ZSCAN10: variants seen among roughly 807,000 people sequenced by gnomAD.
ZSCAN10 encodes zinc finger and SCAN domain containing 10.
A neutral mutation model predicts 63.7 loss-of-function variants in ZSCAN10; 52 were observed. The observed-to-expected ratio is 0.82, with a 90% CI of 0.65 to 1.03. The LOEUF is 1.03. Among genes scored for constraint, ZSCAN10 ranks in the 50% least tolerant of loss-of-function variants. The pLI is 0.00. For missense variants in ZSCAN10, 1,223 were observed against 1,103.8 expected, an observed-to-expected ratio of 1.11 and a Z score of -1.53; for synonymous variants, 544 against 479.6, an observed-to-expected ratio of 1.13 and a Z score of -1.76.
intron 3 of ZSCAN10, 38 bp downstream of exon 3, chr16:3,092,011 C>T (rs749555825): frequency 1.9e-6 from 3 of 1,549,668 alleles, no homozygotes; most frequent in South Asian, 2.5e-5. Context: ...CCCTCCGCGA[C>T]ACCCAGTCCT....
rs962728439 is a variant in ZSCAN10, at chr16:3,091,619, T to C, written c.730-22A>G. On this transcript the variant is annotated intron_variant, in intron 4 of 5. Transcript: ENST00000576985. ...ACTCCTGTATCAAGAGCAGAAACCC[T>C]TGGTGAGTGAGGAACATGCCTCAGG... 2.5e-6 allele frequency: 4 copies of C among 1,613,998 alleles called. No individual in the cohort carries two copies. The African/African-American group carries it at 4.0e-5, about 16-fold the overall frequency.
intron 5 of ZSCAN10, among the ~76,000 whole-genome samples, chr16:3,091,172 C>A (rs896194831): frequency 6.7e-6 from 1 of 149,054 alleles, no homozygotes; most frequent in Non-Finnish European, 1.5e-5. Context: ...GTTAGCTGGG[C>A]GTGGTGGCAC....
At chr16:3,092,004 T>C in intron 3 of ZSCAN10, 45 bp downstream of exon 3, 1 of 1,551,610 alleles carries the variant, frequency 6.4e-7, no homozygotes, top group Non-Finnish European at 8.7e-7. Flanking sequence ...TCCAGGCCCC[T>C]CCGCGACACC....
In ZSCAN10 at chr16:3,091,542, A is replaced by C. The variant is rs755683999; in HGVS notation, c.785T>G (p.Leu262Arg). The C allele has an allele frequency of 3.7e-6, 6 of 1,614,174 alleles. No homozygotes were observed. In the Admixed American group the frequency reaches 1.0e-4, roughly 27 times the overall value. The part of the protein sequence containing the change: ...PENKAWPAHP[L>R]GFGSRTPDKE... The stretch of plus-strand genomic sequence containing the variant: ...TTCTCCAGGGAAGGGTTGCTTACCC[A>C]GGGGGTGTGCAGGCCACGCCTTATT... The change falls in exon 5 of 6, where the codon CTG becomes CGG. Residue 262 changes from leucine to arginine, a missense_variant and splice_region_variant. Physicochemically the swap from Leu to Arg is moderately radical, Grantham distance 102. Transcript: ENST00000576985.
chr16:3,092,708 A>C lies in ZSCAN10; in HGVS notation c.230T>G (p.Leu77Arg). The change falls in exon 2 of 6, where the codon CTG becomes CGG. Residue 77 changes from leucine to arginine, a missense_variant. Transcript: ENST00000576985. ...CTCCAGGATCTGTTTCTTGGTGTGC[A>C]GAGCCGGCCGCAGCCAGTGGCCGCA... ...ELCGHWLRPA[L>R]HTKKQILELL... The C allele has an allele frequency of 6.2e-7, 1 of 1,613,320 alleles. No individual in the cohort carries two copies. Among genetic ancestry groups the C allele is most frequent in the South Asian group, 1.1e-5 (1 of 91,084 alleles).
At position 3,095,756 on chromosome 16, in the gene ZSCAN10, A is replaced by G. The variant is rs1957145416; in HGVS notation, c.-67-2752T>C. Reference sequence around the variant, plus strand: ...GGCAGGAGAATGGCGTGAAACAGGGAGGTAGAGCTTGCAATGAGCCAAGAT... The same window carrying G: ...GGCAGGAGAATGGCGTGAAACAGGGGGGTAGAGCTTGCAATGAGCCAAGAT... On this transcript the variant is annotated intron_variant, in intron 1 of 5. Transcript: ENST00000576985. Among the ~76,000 whole-genome samples the G allele has an allele frequency of 2.0e-5, 3 of 148,186 alleles. No homozygotes were observed. The South Asian group carries it at 6.4e-4, about 32-fold the overall frequency.
intron 1 of ZSCAN10, chr16:3,096,399 C>A (rs184751197): frequency 6.6e-6 from 1 of 152,426 alleles, no homozygotes; most frequent in Non-Finnish European, 1.5e-5. Context: ...CCAGTTGGCA[C>A]CCCAGGTAGG....
chr16:3,090,742 G>C (rs1743703251), intron 5 of ZSCAN10, 96 bp from the exon 6 acceptor site: 34 of 1,393,392 alleles, frequency 2.4e-5, no homozygotes, highest in Non-Finnish European at 3.2e-5. Context: ...AAGAAACCCA[G>C]GATCCTGCAA....
Position 3,092,198 on chromosome 16 carries a change from G to A in ZSCAN10, c.515C>T (p.Pro172Leu), listed in dbSNP as rs1441649217. 5.6e-6 allele frequency: 9 copies of A among 1,612,666 alleles called. No individual in the cohort carries two copies. The highest frequency in any genetic ancestry group is 1.6e-4 in the Middle Eastern group (1 of 6,062). Residue 172 changes from proline (P) to leucine (L), a missense_variant, in exon 3 of 6, where the codon CCT becomes CTT. Transcript: ENST00000576985. ...SPKKELPAEE[P>L]SVLGPSDEPP... ...CTCATCCGATGGGCCCAGCACTGAA[G>A]GCTCTTCCGCAGGCAATTCCTTCTT...
At chr16:3,090,789 C>A (rs1957063563) in intron 5 of ZSCAN10, 143 bp from the exon 6 acceptor site, 1 of 1,027,296 alleles carries the variant, frequency 9.7e-7, no homozygotes, top group East Asian at 2.9e-5. Context: ...GTGGTTCACG[C>A]CTGTAATTTC....
chr16:3,089,678 G>C lies in ZSCAN10; in HGVS notation c.1756C>G (p.Arg586Gly), dbSNP rs755377345. ...KPYACPQCGK[R>G]FVRRASLARH... ...GCAAGGCTGGCCCGGCGCACAAAGC[G>C]CTTCCCGCACTGCGGACAGGCGTAG... Residue 586 changes from arginine to glycine, a missense_variant, in exon 6 of 6, where the codon CGC (arginine) becomes GGC (glycine). Arg to Gly is a moderately radical substitution (Grantham distance 125). Transcript: ENST00000576985. 2.4e-5 allele frequency: 39 copies of C among 1,599,050 alleles called. No homozygotes were observed. Among genetic ancestry groups the C allele is most frequent in the Non-Finnish European group, 3.2e-5 (37 of 1,174,164 alleles).
rs752888674 is a variant in ZSCAN10 at position 3,090,279 on chromosome 16, G to A, written c.1155C>T (p.Phe385=). 1.9e-6 allele frequency: 3 copies of A among 1,608,980 alleles called. No individual in the cohort carries two copies. Among genetic ancestry groups the A allele is most frequent in the South Asian group, 2.2e-5 (2 of 90,948 alleles). The stretch of plus-strand genomic sequence containing the variant: ...GCAGCTTGAGAATGGAGCTGCGGCC[G>A]AAGCTCTTCCCGCAGCAAAGGCACA... The part of the protein sequence containing the change: ...SFLCLCCGKS[F]GRSSILKLHM... The change falls in exon 6 of 6, where the codon TTC becomes TTT. Residue 385 remains phenylalanine, a synonymous_variant. Transcript: ENST00000576985.
chr16:3,090,347 T>A lies in ZSCAN10; in HGVS notation c.1087A>T (p.Lys363Ter). Residue 363 changes from lysine to a stop codon, truncating the protein, a stop_gained, in exon 6 of 6, where the codon AAG becomes TAG. Coordinates refer to ENST00000576985, the MANE Select transcript of ZSCAN10 (RefSeq NM_032805.3). LOFTEE classifies it high-confidence loss of function. ...GVSFPQLSRLKAHQLRSHPAG... is the reference protein window; with the variant it reads ...GVSFPQLSRL ...GGGTGCGAGCGCAGCTGGTGCGCCT[T>A]CAGGCGAGACAGCTGCGGGAAGCTC... The A allele has an allele frequency of 6.2e-7, 1 of 1,611,590 alleles. No homozygotes were observed. The highest frequency in any genetic ancestry group is 8.5e-7 in the Non-Finnish European group (1 of 1,179,026).
chr16:3,093,064 G>A, intron 1 of ZSCAN10, 60 bp from the exon 2 acceptor site: 2 of 1,253,004 alleles, frequency 1.6e-6, no homozygotes, highest in South Asian at 5.1e-5. Flanking sequence ...CCATACCTGG[G>A]TCATCCATGT....
rs577693683 is a variant in ZSCAN10, at chr16:3,089,112, G to A, written c.2322C>T (p.His774=). The change falls in exon 6 of 6, where the codon CAC becomes CAT. Residue 774 remains histidine (H), a synonymous_variant. Transcript: ENST00000576985. The part of the protein sequence containing the change: ...NSHLLRHLRT[H]ARETLY ...CAAGCTAGTACAGCGTCTCGCGGGC[G>A]TGGGTGCGCAGGTGGCGCAGCAGGT... The A allele has an allele frequency of 2.7e-6, 4 of 1,506,672 alleles. No homozygotes were observed. The highest frequency in any genetic ancestry group is 2.2e-5 in the Admixed American group (1 of 45,554). The allele number at this position is 1,506,672 out of a possible 1,614,324, so 93.3% of individuals were successfully genotyped here. A position where few individuals can be genotyped will look rare whatever the true frequency, so the allele number is the denominator to read the frequency against.
In ZSCAN10 at chr16:3,090,426, C is replaced by T; in HGVS notation, c.1008G>A (p.Glu336=). 6.2e-7 allele frequency: 1 copy of T among 1,613,880 alleles called. No individual in the cohort carries two copies. The highest frequency in any genetic ancestry group is 8.5e-7 in the Non-Finnish European group (1 of 1,179,962). ...ACTCCGGATTGGGCTCGGGGACGCC[C>T]TCAGCCACTTTGACCTCCAAAATTT... ...SSEILEVKVA[E]GVPEPNPELQ... is the part of the protein sequence containing the mutation. The change falls in exon 6 of 6, where the codon GAG becomes GAA. Residue 336 remains glutamate (E), a synonymous_variant. Coordinates refer to ENST00000576985, the MANE Select transcript of ZSCAN10 (RefSeq NM_032805.3).
At chr16:3,093,529 A>C in intron 1 of ZSCAN10, among the ~76,000 whole-genome samples, 1 of 151,508 alleles carries the variant, frequency 6.6e-6, no homozygotes, top group East Asian at 1.9e-4. Flanking sequence ...AAAAAAAAAA[A>C]AGAAATTTGC....
rs112339876 is a variant in ZSCAN10, at chr16:3,098,976, T to C, written c.-68+214A>G. 1.9e-4 allele frequency among the ~76,000 whole-genome samples: 29 copies of C among 152,306 alleles called. 1 individual carries two copies. Among genetic ancestry groups the C allele is most frequent in the African/African-American group, 7.0e-4 (29 of 41,562 alleles). On this transcript the variant is annotated intron_variant, in intron 1 of 5. Transcript: ENST00000576985. ...CAGCCTTCTTCAATGTCACAGGAAG[T>C]TCTGCGATCTCCCTCGTCCCCAACG...
chr16:3,089,147 G>C lies in ZSCAN10; in HGVS notation c.2287C>G (p.Arg763Gly), dbSNP rs1957025072. The change falls in exon 6 of 6, where the codon CGC becomes GGC. Residue 763 changes from arginine (R) to glycine (G), a missense_variant. Transcript: ENST00000576985. ...AGGTGGCGCAGCAGGTGGGAGTTGC[G>C]GCTGAAGCTGCGGCCACACTGCGTG... ...SCTQCGRSFS[R>G]NSHLLRHLRT... 2.6e-6 allele frequency: 4 copies of C among 1,528,704 alleles called. No individual in the cohort carries two copies. Among genetic ancestry groups the C allele is most frequent in the African/African-American group, 1.4e-5 (1 of 71,924 alleles). The allele number at this position is 1,528,704 out of a possible 1,614,324, so 94.7% of individuals were successfully genotyped here. A position where few individuals can be genotyped will look rare whatever the true frequency, so the allele number is the denominator to read the frequency against.
Sources: allele counts gnomAD v4.1 joint callset (sites outside exome capture counted in the v4.1 genomes callset), GRCh38; gene constraint gnomAD v4.1.1; transcripts MANE v1.5; gene names NCBI Gene and HGNC (gene_info 2026-07-23, HGNC 2026-07-21).